The following SUCNR1 variants were observed in gnomAD, a reference collection of about 807,000 sequenced individuals.
SUCNR1 encodes the protein G-protein coupled receptor 91.
Under a neutral mutation model 2.4 loss-of-function variants are expected in SUCNR1, and 5 were observed. That is an observed-to-expected ratio of 2.07 (90% CI 1.08 to 4.36). SUCNR1 has a LOEUF of 4.36. Ranked by LOEUF, SUCNR1 falls within the 30% of genes most tolerant of loss-of-function variation. The pLI, the probability that SUCNR1 is intolerant of heterozygous loss-of-function variation, is 0.00. For missense variants in SUCNR1, 373 were observed against 399.2 expected, an observed-to-expected ratio of 0.93 and a Z score of 0.56; for synonymous variants, 162 against 143.9, an observed-to-expected ratio of 1.13 and a Z score of -0.90.
rs984216405 is a variant in SUCNR1, at chr3:151,883,415, TAGACTC to T, written c.*1868_*1873del. On this transcript the variant is annotated 3_prime_UTR_variant, in exon 3 of 3. Transcript: ENST00000362032. Reference sequence around the variant, plus strand: ...TCCCAACTCCAAGAAGTCACAGGAATAGACTCTTTCTAATAGTGCAGTGAAATATTT... The same window carrying T: ...TCCCAACTCCAAGAAGTCACAGGAATTTTCTAATAGTGCAGTGAAATATTT... 15 of 144,892 alleles carry T rather than the reference TAGACTC, an allele frequency of 1.0e-4. No homozygotes were observed. Among genetic ancestry groups the T allele is most frequent in the African/African-American group, 3.3e-4 (13 of 39,768 alleles). The allele number at this position is 144,892 out of a possible 1,614,324, so 9.0% of individuals were successfully genotyped here. A position where few individuals can be genotyped will look rare whatever the true frequency, so the allele number is the denominator to read the frequency against.
Position 151,880,631 on chromosome 3 carries a change from T to C in SUCNR1, c.88T>C (p.Tyr30His). The C allele has an allele frequency of 1.2e-6, 2 of 1,614,062 alleles. No individual in the cohort carries two copies. The highest frequency in any genetic ancestry group is 1.3e-5 in the African/African-American group (1 of 75,052). The change falls in exon 3 of 3, where the codon TAT becomes CAT. Residue 30 changes from tyrosine to histidine, a missense_variant. Coordinates refer to ENST00000362032, the MANE Select transcript of SUCNR1 (RefSeq NM_033050.6). ...ALEKYYLSIFYGIEFVVGVLG... is the reference protein window; with the variant it reads ...ALEKYYLSIFHGIEFVVGVLG... The stretch of plus-strand genomic sequence containing the variant: ...GGAAAAGTACTACCTTTCCATTTTT[T>C]ATGGGATTGAGTTCGTTGTGGGAGT...
Position 151,884,136 on chromosome 3 carries a change from G to A in SUCNR1, c.*2588G>A, listed in dbSNP as rs1286392251. 1 of 152,138 alleles carries A rather than the reference G, an allele frequency of 6.6e-6. No homozygotes were observed. The highest frequency in any genetic ancestry group is 2.4e-5 in the African/African-American group (1 of 41,426). The allele number at this position is 152,138 out of a possible 1,614,324, so 9.4% of individuals were successfully genotyped here. A position where few individuals can be genotyped will look rare whatever the true frequency, so the allele number is the denominator to read the frequency against. On this transcript the variant is annotated 3_prime_UTR_variant, in exon 3 of 3. Transcript: ENST00000362032. The stretch of plus-strand genomic sequence containing the variant: ...AGTTTATTATTGTCTTCATAGCTGA[G>A]TACTCTTAAAATTACTGTTTATTAT...
chr3:151,879,159 T>G (rs1318588568), intron 1 of SUCNR1, among the ~76,000 whole-genome samples: 1 of 152,200 alleles, frequency 6.6e-6, no homozygotes, highest in Non-Finnish European at 1.5e-5. Flanking sequence ...TTAAAGTTCT[T>G]GAAATACCCT....
rs1273268875 is a variant in SUCNR1 at position 151,884,534 on chromosome 3, T to TA, written c.*2987dup. ...GTGTGGCAGAGATTCTGGATTCTGT[T>TA]ACATTCCATCAAAGAGTATTGATAT... is the stretch of plus-strand genomic sequence containing the variant. On this transcript the variant is annotated 3_prime_UTR_variant, in exon 3 of 3. Transcript: ENST00000362032. 2 of 152,254 alleles carry TA rather than the reference T, an allele frequency of 1.3e-5. No homozygotes were observed. Among genetic ancestry groups the TA allele is most frequent in the African/African-American group, 4.8e-5 (2 of 41,464 alleles). 9.4% of individuals were successfully genotyped at this position (152,254 alleles called of 1,614,324 possible).
chr3:151,882,559 T>C lies in SUCNR1; in HGVS notation c.*1011T>C, dbSNP rs144655791. ...GGAAAGTCACAATTTTTCTCCATGA[T>C]CCCCCATTTTTTGTAAACACTGGAA... On this transcript the variant is annotated 3_prime_UTR_variant, in exon 3 of 3. Transcript: ENST00000362032. The C allele has an allele frequency of 4.6e-5, 7 of 152,062 alleles. No individual in the cohort carries two copies. Among genetic ancestry groups the C allele is most frequent in the Admixed American group, 1.3e-4 (2 of 15,272 alleles). 9.4% of individuals were successfully genotyped at this position (152,062 alleles called of 1,614,324 possible).
In SUCNR1 at chr3:151,879,925, A is replaced by G. The variant is rs1308352865; in HGVS notation, c.15+18A>G. The G allele has an allele frequency of 6.4e-7, 1 of 1,554,774 alleles. No individual in the cohort carries two copies. The highest frequency in any genetic ancestry group is 1.2e-5 in the South Asian group (1 of 80,686). ...GGATCATGGTATGTTTAGAGACACA[A>G]AAGTGAATTCAAAATCTTCTCTTCA... On this transcript the variant is annotated intron_variant, in intron 2 of 2. Coordinates refer to ENST00000362032, the MANE Select transcript of SUCNR1 (RefSeq NM_033050.6).
intron 1 of SUCNR1, among the ~76,000 whole-genome samples, chr3:151,874,144 ATATTTT>A (rs1302943189): frequency 2.5e-3 from 157 of 62,824 alleles, no homozygotes; most frequent in African/African-American, 8.6e-3. Flanking sequence ...ATATATATAT[ATATTTT>A]TTTTTTTTTT....
rs1053762952 is a variant in SUCNR1, at chr3:151,881,417, C to G, written c.874C>G (p.Pro292Ala). The G allele has an allele frequency of 1.9e-6, 3 of 1,614,042 alleles. No individual in the cohort carries two copies. Among genetic ancestry groups the G allele is most frequent in the Non-Finnish European group, 2.5e-6 (3 of 1,180,042 alleles). ...PLAFLNSVIN[P>A]VFYFLLGDHF... Reference sequence around the variant, plus strand: ...GGCCTTTCTGAACAGTGTCATCAACCCTGTCTTCTATTTTCTTTTGGGAGA... The same window carrying G: ...GGCCTTTCTGAACAGTGTCATCAACGCTGTCTTCTATTTTCTTTTGGGAGA... The change falls in exon 3 of 3, where the codon CCT becomes GCT. Residue 292 changes from proline to alanine, a missense_variant. Pro to Ala is a conservative substitution (Grantham distance 27). Coordinates refer to ENST00000362032, the MANE Select transcript of SUCNR1 (RefSeq NM_033050.6).
At position 151,882,579 on chromosome 3, in the gene SUCNR1, C is replaced by A. The variant is rs770248700; in HGVS notation, c.*1031C>A. The A allele has an allele frequency of 2.0e-5, 3 of 152,016 alleles. No individual in the cohort carries two copies. Among genetic ancestry groups the A allele is most frequent in the Non-Finnish European group, 4.4e-5 (3 of 67,956 alleles). The allele number at this position is 152,016 out of a possible 1,614,324, so 9.4% of individuals were successfully genotyped here. The stretch of plus-strand genomic sequence containing the variant: ...CATGATCCCCCATTTTTTGTAAACA[C>A]TGGAATAATTTACAAGGATAACTTT... On this transcript the variant is annotated 3_prime_UTR_variant, in exon 3 of 3. Transcript: ENST00000362032.
Position 151,880,572 on chromosome 3 carries a change from C to T in SUCNR1, c.29C>T (p.Thr10Ile), listed in dbSNP as rs781178877. Residue 10 changes from threonine (T) to isoleucine (I), a missense_variant, in exon 3 of 3, where the codon ACT becomes ATT. Around this residue, in one of 3 missense-constraint regions of SUCNR1, gnomAD observed 184 missense variants for 162.2 expected, o/e 1.13. Coordinates refer to ENST00000362032, the MANE Select transcript of SUCNR1 (RefSeq NM_033050.6). The part of the protein sequence containing the change: MLGIMAWNA[T>I]CKNWLAAEAA... ...TCTCTTCTTTAGGCATGGAATGCAA[C>T]TTGCAAAAACTGGCTGGCAGCAGAG... The T allele has an allele frequency of 5.6e-6, 9 of 1,604,266 alleles. No individual in the cohort carries two copies. The East Asian group carries it at 6.7e-5, about 12-fold the overall frequency.
At chr3:151,875,287 T>A (rs1298208959) in intron 1 of SUCNR1, among the ~76,000 whole-genome samples, 2 of 152,102 alleles carry the variant, frequency 1.3e-5, no homozygotes, top group Non-Finnish European at 2.9e-5. Flanking sequence ...GAATTTTTCA[T>A]GAGGGAATTT....
chr3:151,876,935 A>T (rs191026561), intron 1 of SUCNR1, among the ~76,000 whole-genome samples: 3 of 152,330 alleles, frequency 2.0e-5, no homozygotes, highest in East Asian at 3.9e-4. Context: ...GGACAATAAA[A>T]AATGAGTAAG....
intron 1 of SUCNR1, among the ~76,000 whole-genome samples, 174 bp downstream of exon 1, chr3:151,873,880 T>C (rs1318009322): frequency 1.3e-5 from 2 of 152,018 alleles, no homozygotes; most frequent in Non-Finnish European, 2.9e-5. Flanking sequence ...TATCTCTACG[T>C]TTATTTTTCA....
rs1718174212 is a variant in SUCNR1, at chr3:151,883,827, C to T, written c.*2279C>T. On this transcript the variant is annotated 3_prime_UTR_variant, in exon 3 of 3. Coordinates refer to ENST00000362032, the MANE Select transcript of SUCNR1 (RefSeq NM_033050.6). The stretch of plus-strand genomic sequence containing the variant: ...CCCACCTACTCTTCTCACATTATCT[C>T]CCATCACTGTTGTCACAAACCATAC... 6.6e-6 allele frequency: 1 copy of T among 152,102 alleles called. No homozygotes were observed. The highest frequency in any genetic ancestry group is 1.5e-5 in the Non-Finnish European group (1 of 67,992). The allele number at this position is 152,102 out of a possible 1,614,324, so 9.4% of individuals were successfully genotyped here. A position where few individuals can be genotyped will look rare whatever the true frequency, so the allele number is the denominator to read the frequency against.
At position 151,881,074 on chromosome 3, in the gene SUCNR1, T is replaced by A. The variant is rs930700233; in HGVS notation, c.531T>A (p.Ser177Arg). The part of the protein sequence containing the change: ...DNGTTCNDFA[S>R]SGDPNYNLIY... ...GCACCACCTGTAATGATTTTGCAAG[T>A]TCTGGAGACCCCAACTACAACCTCA... Residue 177 changes from serine (S) to arginine (R), a missense_variant, in exon 3 of 3, where the codon AGT becomes AGA. Coordinates refer to ENST00000362032, the MANE Select transcript of SUCNR1 (RefSeq NM_033050.6). 16 of 1,614,078 alleles carry A rather than the reference T, an allele frequency of 9.9e-6. No individual in the cohort carries two copies. Among genetic ancestry groups the A allele is most frequent in the Non-Finnish European group, 1.4e-5 (16 of 1,180,034 alleles).
chr3:151,879,478 C>A lies in SUCNR1; in HGVS notation c.-41-374C>A, dbSNP rs370737405. 1.4e-4 allele frequency among the ~76,000 whole-genome samples: 22 copies of A among 152,262 alleles called. No homozygotes were observed. The South Asian group carries it at 4.1e-3, about 29-fold the overall frequency. On this transcript the variant is annotated intron_variant, in intron 1 of 2. Transcript: ENST00000362032. ...AAAGAAGATTAACGGAGCTGCCTTG[C>A]CCCTTCTGAAATTGTTGTGAGGACA...
rs559139879 is a variant in SUCNR1, at chr3:151,880,843, T to C, written c.300T>C (p.Tyr100=). The change falls in exon 3 of 3, where the codon TAT becomes TAC. Residue 100 remains tyrosine, a synonymous_variant. Transcript: ENST00000362032. ...YGDVLCISNR[Y]VLHANLYTSI... is the part of the protein sequence containing the mutation. ...ACGTGCTCTGCATAAGCAACCGATATGTGCTTCATGCCAACCTCTATACCA... is the reference window on the plus strand; with the variant it reads ...ACGTGCTCTGCATAAGCAACCGATACGTGCTTCATGCCAACCTCTATACCA... The C allele has an allele frequency of 6.2e-6, 10 of 1,614,146 alleles. No homozygotes were observed. In the African/African-American group the frequency reaches 1.1e-4, roughly 17 times the overall value.
At position 151,879,881 on chromosome 3, in the gene SUCNR1, A is replaced by G; in HGVS notation, c.-12A>G. 2 of 1,574,620 alleles carry G rather than the reference A, an allele frequency of 1.3e-6. No homozygotes were observed. The highest frequency in any genetic ancestry group is 1.7e-6 in the Non-Finnish European group (2 of 1,159,850). On this transcript the variant is annotated 5_prime_UTR_variant, in exon 2 of 3. Transcript: ENST00000362032. ...TGGTTTAACTCAGCAGAATTTGTTG[A>G]ACAACTACGACATGCTGGGGATCAT...
intron 1 of SUCNR1, among the ~76,000 whole-genome samples, chr3:151,873,979 A>G (rs1156678811): frequency 6.6e-6 from 1 of 151,396 alleles, no homozygotes; most frequent in East Asian, 1.9e-4. Context: ...TCAACAACTT[A>G]TATTTCAACA....
Sources: gnomAD v4.1 joint callset for allele counts (sites outside exome capture counted in the v4.1 genomes callset) on GRCh38, gnomAD v4.1.1 for gene constraint, gnomAD v4.1.1 regional missense constraint, MANE v1.5 for transcripts, NCBI Gene and HGNC (gene_info 2026-07-23, HGNC 2026-07-21) for gene names.